The following MYBL1 variants were observed in gnomAD, a reference collection of about 807,000 sequenced individuals.
MYBL1 encodes the protein myb-related protein A.
Under a neutral mutation model 96.3 loss-of-function variants are expected in MYBL1, and 17 were observed. The ratio of observed to expected loss-of-function variants is 0.18; its 90% CI spans 0.12 to 0.26. The LOEUF is 0.26. MYBL1 is among the 10% of genes least tolerant of loss of function. MYBL1 has a pLI of 1.00. For missense variants in MYBL1, 701 were observed against 882.9 expected, an observed-to-expected ratio of 0.79 and a Z score of 2.61; for synonymous variants, 282 against 292.7, an observed-to-expected ratio of 0.96 and a Z score of 0.37.
At chr8:66,588,077 G>T (rs1454094725) in intron 8 of MYBL1, among the ~76,000 whole-genome samples, 1 of 151,926 alleles carries the variant, frequency 6.6e-6, no homozygotes, top group African/African-American at 2.4e-5. Context: ...CATTAGCATA[G>T]CCACCTTCTG....
chr8:66,576,493 C>G, intron 9 of MYBL1, 118 bp from the exon 10 acceptor site: 3 of 1,217,040 alleles, frequency 2.5e-6, no homozygotes, highest in Non-Finnish European at 3.4e-6. Flanking sequence ...AGTAAAAATG[C>G]TTTCCTTGGA....
In MYBL1 at chr8:66,602,448, G is replaced by T; in HGVS notation, c.96C>A (p.Leu32=). 1 of 1,605,166 alleles carries T rather than the reference G, an allele frequency of 6.2e-7. No homozygotes were observed. Among genetic ancestry groups the T allele is most frequent in the Non-Finnish European group, 8.5e-7 (1 of 1,174,648 alleles). ...CCCTTGTCCATTTTACTCTGTTCCA[G>T]AGTTTCTTCAGTCCTTTTTGTTGTG... is the stretch of plus-strand genomic sequence containing the variant. ...EVPQQKGLKK[L]WNRVKWTRDE... is the part of the protein sequence containing the mutation. Residue 32 remains leucine, a synonymous_variant, in exon 2 of 16, where the codon CTC becomes CTA. Coordinates refer to ENST00000522677, the MANE Select transcript of MYBL1 (RefSeq NM_001080416.4).
chr8:66,567,152 A>C (rs571242600), intron 12 of MYBL1, among the ~76,000 whole-genome samples, 160 bp from the exon 13 acceptor site: 1 of 152,314 alleles, frequency 6.6e-6, no homozygotes, highest in African/African-American at 2.4e-5. Flanking sequence ...GTGGCAAAAC[A>C]ATATTATACA....
At chr8:66,576,457 A>G in intron 9 of MYBL1, 82 bp from the exon 10 acceptor site, 1 of 1,431,638 alleles carries the variant, frequency 7.0e-7, no homozygotes, top group Non-Finnish European at 9.4e-7. Flanking sequence ...TGATTTCCAC[A>G]GAGTTAATTA....
chr8:66,565,799 T>C (rs1291410790), intron 15 of MYBL1, among the ~76,000 whole-genome samples: 1 of 152,138 alleles, frequency 6.6e-6, no homozygotes, highest in Non-Finnish European at 1.5e-5. Flanking sequence ...AGTAGATTTA[T>C]ATATCTTTAG....
chr8:66,597,144 A>C (rs1230749585), intron 5 of MYBL1, among the ~76,000 whole-genome samples, 186 bp downstream of exon 5: 3 of 152,202 alleles, frequency 2.0e-5, no homozygotes, highest in Non-Finnish European at 2.9e-5. Flanking sequence ...TTCATTAAAA[A>C]AGTAATCATA....
At chr8:66,612,787 C>T (rs769821534) in intron 1 of MYBL1, 32 bp downstream of exon 1, 5 of 1,351,858 alleles carry the variant, frequency 3.7e-6, no homozygotes, top group Non-Finnish European at 3.8e-6. Flanking sequence ...GAGACGGCGC[C>T]GACAGGCCTG....
intron 1 of MYBL1, among the ~76,000 whole-genome samples, chr8:66,610,625 AAG>A (rs962122053): frequency 1.3e-5 from 2 of 152,132 alleles, no homozygotes; most frequent in African/African-American, 4.8e-5. Flanking sequence ...GGTAAAAGGC[AAG>A]AGAGATTTTT....
At chr8:66,606,509 TAA>T (rs1277960590) in intron 1 of MYBL1, among the ~76,000 whole-genome samples, 1 of 152,230 alleles carries the variant, frequency 6.6e-6, no homozygotes, top group African/African-American at 2.4e-5. Context: ...AATATCTATG[TAA>T]GTTATGTAAT....
At chr8:66,603,006 A>C (rs978244547) in intron 1 of MYBL1, among the ~76,000 whole-genome samples, 1 of 151,792 alleles carries the variant, frequency 6.6e-6, no homozygotes, top group Non-Finnish European at 1.5e-5. Flanking sequence ...CGGCCTCCCA[A>C]TGTGCTGGGA....
chr8:66,567,073 A>G (rs1442205362), intron 12 of MYBL1, 81 bp from the exon 13 acceptor site: 1 of 816,712 alleles, frequency 1.2e-6, no homozygotes. Flanking sequence ...CCCATCTTTT[A>G]TACTTGTCCA....
intron 10 of MYBL1, among the ~76,000 whole-genome samples, chr8:66,574,985 C>T (rs984316570): frequency 1.4e-4 from 21 of 151,880 alleles, no homozygotes; most frequent in African/African-American, 2.7e-4. Flanking sequence ...ACCCGGGAGG[C>T]GGAGGTTGCG....
chr8:66,576,357 C>T lies in MYBL1; in HGVS notation c.1120G>A (p.Asp374Asn), dbSNP rs1470210737. 2 of 1,612,714 alleles carry T rather than the reference C, an allele frequency of 1.2e-6. No individual in the cohort carries two copies. Among genetic ancestry groups the T allele is most frequent in the Admixed American group, 3.3e-5 (2 of 59,796 alleles). Reference sequence around the variant, plus strand: ...TCAGAAATATCAAAACTGGTAACGTCACTCCATGCTACAGGATCCTGCAAT... The same window carrying T: ...TCAGAAATATCAAAACTGGTAACGTTACTCCATGCTACAGGATCCTGCAAT... ...LIESDPVAWSDVTSFDISDAA... is the reference protein window; with the variant it reads ...LIESDPVAWSNVTSFDISDAA... The change falls in exon 10 of 16, where the codon GAC becomes AAC. Residue 374 changes from aspartate to asparagine, a missense_variant. By Grantham distance (23) the Asp-to-Asn change is conservative. This residue lies in a region of MYBL1 where 396 missense variants were observed against 407.4 expected (regional missense o/e 0.97). Coordinates refer to ENST00000522677, the MANE Select transcript of MYBL1 (RefSeq NM_001080416.4).
intron 1 of MYBL1, among the ~76,000 whole-genome samples, chr8:66,607,560 C>G (rs1810369368): frequency 6.6e-6 from 1 of 152,126 alleles, no homozygotes; most frequent in African/African-American, 2.4e-5. Flanking sequence ...TCACTCCTTT[C>G]CAACCCAACC....
chr8:66,606,554 A>G (rs922609903), intron 1 of MYBL1, among the ~76,000 whole-genome samples: 17 of 152,364 alleles, frequency 1.1e-4, no homozygotes, highest in Admixed American at 1.0e-3. Flanking sequence ...ATGAAGGCCC[A>G]GATTTAATAT....
chr8:66,598,649 G>C (rs992432872), intron 4 of MYBL1, among the ~76,000 whole-genome samples: 2 of 152,140 alleles, frequency 1.3e-5, no homozygotes, highest in Non-Finnish European at 2.9e-5. Flanking sequence ...TATAGGTTAA[G>C]AGAAAAAGTT....
chr8:66,609,475 T>C (rs1338300782), intron 1 of MYBL1, among the ~76,000 whole-genome samples: 1 of 152,032 alleles, frequency 6.6e-6, no homozygotes, highest in Non-Finnish European at 1.5e-5. Context: ...TCCAATCATA[T>C]TCAAGGTATG....
chr8:66,593,208 A>C lies in MYBL1; in HGVS notation c.688-14T>G, dbSNP rs1436147478. 12 of 1,497,612 alleles carry C rather than the reference A, an allele frequency of 8.0e-6. No individual in the cohort carries two copies. The highest frequency in any genetic ancestry group is 1.0e-5 in the Non-Finnish European group (11 of 1,090,348). The allele number at this position is 1,497,612 out of a possible 1,614,324, so 92.8% of individuals were successfully genotyped here. On this transcript the variant is annotated splice_polypyrimidine_tract_variant and intron_variant, in intron 6 of 15. Transcript: ENST00000522677. ...ATACCCAGGGATCTAAAAAGTAATT[A>C]ATGCATTATTATCATACATATAATG...
chr8:66,589,848 G>A (rs1809566959), intron 8 of MYBL1, among the ~76,000 whole-genome samples: 1 of 152,102 alleles, frequency 6.6e-6, no homozygotes, highest in South Asian at 2.1e-4. Flanking sequence ...CTTCCTAGTT[G>A]CTCATGGTTT....
Sources: gnomAD v4.1 joint callset for allele counts (sites outside exome capture counted in the v4.1 genomes callset) on GRCh38, gnomAD v4.1.1 for gene constraint, gnomAD v4.1.1 regional missense constraint, MANE v1.5 for transcripts, NCBI Gene and HGNC (gene_info 2026-07-23, HGNC 2026-07-21) for gene names.